SEC14L5: variants seen among roughly 807,000 people sequenced by gnomAD.
SEC14L5 encodes the protein SEC14-like protein 5.
A neutral mutation model predicts 84.6 loss-of-function variants in SEC14L5; 96 were observed. The ratio of observed to expected loss-of-function variants is 1.13; its 90% CI spans 0.96 to 1.34. The LOEUF is 1.34. SEC14L5 is among the 40% of genes most tolerant of loss of function. The pLI is 0.00. For synonymous variants in SEC14L5, 546 were observed against 383.4 expected (o/e 1.42, Z -4.95); for missense variants, 1,224 against 942.5 (o/e 1.30, Z -3.91).
chr16:4,976,247 A>C (rs1955337541), intron 2 of SEC14L5, among the ~76,000 whole-genome samples: 1 of 152,262 alleles, frequency 6.6e-6, no homozygotes, highest in Non-Finnish European at 1.5e-5. Context: ...GGAATTAAGG[A>C]ACTGAGAGCT....
intron 15 of SEC14L5, 140 bp downstream of exon 15, chr16:5,011,413 A>C: frequency 1.3e-6 from 1 of 783,030 alleles, no homozygotes; most frequent in Non-Finnish European, 2.0e-6. Flanking sequence ...TGGAGTTCTC[A>C]GGTGACACAG....
intron 14 of SEC14L5, 55 bp from the exon 15 acceptor site, chr16:5,011,040 C>T: frequency 1.3e-6 from 2 of 1,522,504 alleles, no homozygotes; most frequent in Non-Finnish European, 1.8e-6. Context: ...GCTCAGCCTC[C>T]TTGACCTGTC....
At chr16:4,988,366 C>T (rs1440993747) in intron 4 of SEC14L5, 86 bp downstream of exon 4, 2 of 1,500,782 alleles carry the variant, frequency 1.3e-6, no homozygotes, top group African/African-American at 2.7e-5. Flanking sequence ...TCCCCACATT[C>T]CTTGAGCCTC....
At chr16:4,994,308 C>A (rs1016331037) in intron 6 of SEC14L5, among the ~76,000 whole-genome samples, 1 of 152,186 alleles carries the variant, frequency 6.6e-6, no homozygotes, top group Non-Finnish European at 1.5e-5. Flanking sequence ...AATAATACAT[C>A]TGGGGCTCTG....
intron 2 of SEC14L5, among the ~76,000 whole-genome samples, chr16:4,965,554 G>A (rs867526654): frequency 6.7e-6 from 1 of 149,184 alleles, no homozygotes; most frequent in Non-Finnish European, 1.5e-5. Context: ...CCAGCTACTC[G>A]GGAGGCTGAG....
At chr16:4,984,316 C>T (rs1955462763) in intron 2 of SEC14L5, among the ~76,000 whole-genome samples, 1 of 152,314 alleles carries the variant, frequency 6.6e-6, no homozygotes, top group African/African-American at 2.4e-5. Flanking sequence ...TGGCTACTTG[C>T]ACTCAGCATA....
At chr16:4,996,315 C>G (rs199570542) in intron 6 of SEC14L5, 33 bp from the exon 7 acceptor site, 2 of 1,284,768 alleles carry the variant, frequency 1.6e-6, no homozygotes, top group East Asian at 5.0e-5. Context: ...CAGCGTCTCC[C>G]TCTTGTCCTG....
intron 2 of SEC14L5, among the ~76,000 whole-genome samples, chr16:4,976,977 G>A (rs375185702): frequency 8.5e-5 from 13 of 152,268 alleles, no homozygotes; most frequent in African/African-American, 3.1e-4. Context: ...GAAAGGTCCC[G>A]TCAGCTGTTT....
chr16:4,975,426 T>A (rs891909868), intron 2 of SEC14L5, among the ~76,000 whole-genome samples: 7 of 127,844 alleles, frequency 5.5e-5, no homozygotes, highest in Non-Finnish European at 7.7e-5. Context: ...TGAGTCGAGA[T>A]CATGCCACTG....
At position 5,017,133 on chromosome 16, in the gene SEC14L5, A is replaced by C; in HGVS notation, c.*2163A>C. On this transcript the variant is annotated 3_prime_UTR_variant, in exon 16 of 16. Transcript: ENST00000251170. The stretch of plus-strand genomic sequence containing the variant: ...TTATTGTCTAGCCCCAGAGAAGGAC[A>C]CAGAAGCCTTTTACGGAAGGAAGCT... 6.8e-6 allele frequency: 1 copy of C among 146,228 alleles called. No individual in the cohort carries two copies. The highest frequency in any genetic ancestry group is 1.5e-5 in the Non-Finnish European group (1 of 66,506). The allele number at this position is 146,228 out of a possible 1,614,324, so 9.1% of individuals were successfully genotyped here.
At chr16:4,979,974 G>C (rs1442690981) in intron 2 of SEC14L5, among the ~76,000 whole-genome samples, 2 of 152,194 alleles carry the variant, frequency 1.3e-5, no homozygotes, top group South Asian at 2.1e-4. Context: ...ACCGATGCTT[G>C]TGACGTAGCC....
chr16:5,010,700 T>C lies in SEC14L5; in HGVS notation c.1801-395T>C, dbSNP rs189501863. Among the ~76,000 whole-genome samples the C allele has an allele frequency of 2.2e-3, 342 of 152,278 alleles. 2 individuals are homozygous for C. The highest frequency in any genetic ancestry group is 7.9e-3 in the African/African-American group (330 of 41,550). On this transcript the variant is annotated intron_variant, in intron 14 of 15. Coordinates refer to ENST00000251170, the MANE Select transcript of SEC14L5 (RefSeq NM_014692.2). Reference sequence around the variant, plus strand: ...AAACACTTCCCTTTCTCACTCTCCCTGATCCCTCCACAAATTCTCTCTAAG... The same window carrying C: ...AAACACTTCCCTTTCTCACTCTCCCCGATCCCTCCACAAATTCTCTCTAAG...
chr16:4,990,834 T>A lies in SEC14L5; in HGVS notation c.413T>A (p.Phe138Tyr). The A allele has an allele frequency of 6.2e-7, 1 of 1,612,114 alleles. No homozygotes were observed. Among genetic ancestry groups the A allele is most frequent in the Non-Finnish European group, 8.5e-7 (1 of 1,179,010 alleles). The change falls in exon 5 of 16, where the codon TTT becomes TAT. Residue 138 changes from phenylalanine (F) to tyrosine (Y), a missense_variant. Phe to Tyr is a conservative substitution (Grantham distance 22). Coordinates refer to ENST00000251170, the MANE Select transcript of SEC14L5 (RefSeq NM_014692.2). ...GCCTCACTGGACATTCGGTCTTTCT[T>A]TGGCTTTGAAAATGCCTTGGAGAAG... ...QSASLDIRSFFGFENALEKIA... is the reference protein window; with the variant it reads ...QSASLDIRSFYGFENALEKIA...
intron 2 of SEC14L5, among the ~76,000 whole-genome samples, chr16:4,961,617 C>A (rs1173488880): frequency 2.0e-5 from 3 of 152,234 alleles, no homozygotes; most frequent in Non-Finnish European, 4.4e-5. Context: ...GGGTGACTCA[C>A]TGCATCCGGC....
At chr16:4,964,544 A>G (rs1432497393) in intron 2 of SEC14L5, among the ~76,000 whole-genome samples, 2 of 151,890 alleles carry the variant, frequency 1.3e-5, no homozygotes. Context: ...AGTTCGCTCC[A>G]TTGCACTCCA....
At chr16:4,989,319 T>C (rs975965565) in intron 4 of SEC14L5, among the ~76,000 whole-genome samples, 5 of 95,644 alleles carry the variant, frequency 5.2e-5, no homozygotes, top group African/African-American at 1.9e-4. Context: ...TGTTTGTTTG[T>C]TTGTTTTGTT....
At chr16:4,979,450 C>T (rs1435480036) in intron 2 of SEC14L5, among the ~76,000 whole-genome samples, 4 of 152,196 alleles carry the variant, frequency 2.6e-5, no homozygotes, top group Non-Finnish European at 4.4e-5. Flanking sequence ...TCATCAGGAG[C>T]AGCACACGGT....
intron 8 of SEC14L5, among the ~76,000 whole-genome samples, chr16:5,000,210 G>A (rs959208049): frequency 7.2e-4 from 109 of 151,762 alleles, no homozygotes; most frequent in African/African-American, 2.4e-3. Context: ...AAAATTGCTT[G>A]AACCTGGGAG....
At chr16:5,001,022 C>T (rs1452571869) in intron 10 of SEC14L5, 97 bp downstream of exon 10, 1 of 948,426 alleles carries the variant, frequency 1.1e-6, no homozygotes, top group East Asian at 2.6e-5. Flanking sequence ...GGCAGCGTGC[C>T]AGGGGCTTCA....
Sources: gnomAD v4.1 joint callset for allele counts (sites outside exome capture counted in the v4.1 genomes callset) on GRCh38, gnomAD v4.1.1 for gene constraint, MANE v1.5 for transcripts, NCBI Gene and HGNC (gene_info 2026-07-23, HGNC 2026-07-21) for gene names.